CACNG8: variants seen among roughly 807,000 people sequenced by gnomAD.
The protein encoded by CACNG8 is voltage-dependent calcium channel gamma-8 subunit.
A neutral mutation model predicts 26.9 loss-of-function variants in CACNG8; 5 were observed. The ratio of observed to expected loss-of-function variants is 0.19; its 90% CI spans 0.10 to 0.39. The LOEUF (loss-of-function observed/expected upper bound fraction) is 0.39. CACNG8 is among the 10% of genes least tolerant of loss of function. The pLI, the probability that CACNG8 is intolerant of heterozygous loss-of-function variation, is 1.00. For synonymous variants in CACNG8, 321 were observed against 296.7 expected, an observed-to-expected ratio of 1.08 and a Z score of -0.84; for missense variants, 473 against 609.4, an observed-to-expected ratio of 0.78 and a Z score of 2.36.
In CACNG8 at chr19:53,982,545, CCGGCGGCGG is replaced by C. The variant is rs769981108; in HGVS notation, c.986_994del (p.Gly329_Gly331del). The C allele has an allele frequency of 9.0e-5, 109 of 1,216,174 alleles. No homozygotes were observed. The highest frequency in any genetic ancestry group is 2.2e-4 in the Admixed American group (5 of 22,350). The allele number at this position is 1,216,174 out of a possible 1,614,324, so 75.3% of individuals were successfully genotyped here. A position where few individuals can be genotyped will look rare whatever the true frequency, so the allele number is the denominator to read the frequency against. ...AGCGTGGCCGCGGGGCTGGCGGGGG[CCGGCGGCGG>C]CGGCGGCGGCGCCGTGGGGGCGTTC... On this transcript the variant is annotated inframe_deletion, in exon 4 of 4. Transcript: ENST00000270458. The surrounding 1 kb of genome is among the most constrained non-coding windows in gnomAD (Gnocchi z 8.4).
chr19:53,968,374 C>CA (rs924146439), intron 1 of CACNG8, among the ~76,000 whole-genome samples: 46 of 142,634 alleles, frequency 3.2e-4, no homozygotes, highest in African/African-American at 6.5e-4. Flanking sequence ...GACCCCATCT[C>CA]AAAAAAAACA....
chr19:53,967,187 G>A (rs1280612917), intron 1 of CACNG8, among the ~76,000 whole-genome samples: 2 of 152,132 alleles, frequency 1.3e-5, no homozygotes, highest in Non-Finnish European at 2.9e-5. Context: ...GTCTCCTGGG[G>A]GATAAAATCG....
At position 53,979,856 on chromosome 19, in the gene CACNG8, C is replaced by A. The variant is rs371636550; in HGVS notation, c.368-11C>A. ...GCTCTCCCTCCTTTTCCTTTCCTTCCTCCCCCGCAGGAGTTGTCCGGGCCT... is the reference window on the plus strand; with the variant it reads ...GCTCTCCCTCCTTTTCCTTTCCTTCATCCCCCGCAGGAGTTGTCCGGGCCT... On this transcript the variant is annotated splice_polypyrimidine_tract_variant and intron_variant, in intron 2 of 3. Transcript: ENST00000270458. 35 of 1,588,682 alleles carry A rather than the reference C, an allele frequency of 2.2e-5. No individual in the cohort carries two copies. The highest frequency in any genetic ancestry group is 5.2e-5 in the Admixed American group (3 of 57,326).
Position 53,982,684 on chromosome 19 carries a change from C to T in CACNG8, c.1113C>T (p.Ala371=). The T allele has an allele frequency of 8.9e-7, 1 of 1,129,146 alleles. No homozygotes were observed. The highest frequency in any genetic ancestry group is 1.1e-6 in the Non-Finnish European group (1 of 927,390). The allele number at this position is 1,129,146 out of a possible 1,614,324, so 69.9% of individuals were successfully genotyped here. The change falls in exon 4 of 4, where the codon GCC becomes GCT. Residue 371 remains alanine (A), a synonymous_variant. Coordinates refer to ENST00000270458, the MANE Select transcript of CACNG8 (RefSeq NM_031895.6). This position sits in a 1 kb window ranked among gnomAD's most constrained non-coding sequence, Gnocchi z 8.4. ...CCGGCTTCCTCACGCTGCACAACGCCTTCCCCAAGGAGGCGGGCGGCGGCG... is the reference window on the plus strand; with the variant it reads ...CCGGCTTCCTCACGCTGCACAACGCTTTCCCCAAGGAGGCGGGCGGCGGCG...
At position 53,982,576 on chromosome 19, in the gene CACNG8, G is replaced by A; in HGVS notation, c.1005G>A (p.Ala335=). 1.0e-6 allele frequency: 1 copy of A among 984,106 alleles called. No individual in the cohort carries two copies. The highest frequency in any genetic ancestry group is 1.2e-6 in the Non-Finnish European group (1 of 829,616). 61.0% of individuals were successfully genotyped at this position (984,106 alleles called of 1,614,324 possible). A position where few individuals can be genotyped will look rare whatever the true frequency, so the allele number is the denominator to read the frequency against. ...GCGGCGGCGGCGGCGCCGTGGGGGC[G>A]TTCGGCGGCGCGGCCGGGGGCGCCG... Residue 335 remains alanine (A), a synonymous_variant, in exon 4 of 4, where the codon GCG becomes GCA. Transcript: ENST00000270458. This position sits in a 1 kb window ranked among gnomAD's most constrained non-coding sequence, Gnocchi z 8.4.
chr19:53,982,901 C>T lies in CACNG8; in HGVS notation c.*52C>T. 1.7e-6 allele frequency: 2 copies of T among 1,181,788 alleles called. No individual in the cohort carries two copies. Among genetic ancestry groups the T allele is most frequent in the East Asian group, 4.0e-5 (1 of 24,742 alleles). The allele number at this position is 1,181,788 out of a possible 1,614,324, so 73.2% of individuals were successfully genotyped here. ...TGTCCGGGGCGCGTGCGCGGGCGCGCGTGCATCGAGGCTGCCGGGGTCGGG... is the reference window on the plus strand; with the variant it reads ...TGTCCGGGGCGCGTGCGCGGGCGCGTGTGCATCGAGGCTGCCGGGGTCGGG... On this transcript the variant is annotated 3_prime_UTR_variant, in exon 4 of 4. Transcript: ENST00000270458. This position sits in a 1 kb window ranked among gnomAD's most constrained non-coding sequence, Gnocchi z 8.4.
At chr19:53,969,859 C>T (rs529643480) in intron 1 of CACNG8, among the ~76,000 whole-genome samples, 27 of 152,178 alleles carry the variant, frequency 1.8e-4, no homozygotes, top group Middle Eastern at 3.4e-3. Flanking sequence ...CAGCTGGGCG[C>T]GGTGGCTCAC....
At chr19:53,980,978 G>A (rs2069363304) in intron 3 of CACNG8, among the ~76,000 whole-genome samples, 1 of 152,054 alleles carries the variant, frequency 6.6e-6, no homozygotes. Context: ...GGCCGGAGTA[G>A]CTGGACCTGA....
chr19:53,979,808 G>A (rs1312413326), intron 2 of CACNG8, 59 bp from the exon 3 acceptor site: 2 of 1,505,582 alleles, frequency 1.3e-6, no homozygotes, highest in African/African-American at 2.8e-5. Context: ...AGGGGGCGCA[G>A]GCGGCCGCGT....
intron 3 of CACNG8, among the ~76,000 whole-genome samples, chr19:53,980,447 G>C (rs1053254399): frequency 1.9e-4 from 29 of 152,170 alleles, no homozygotes; most frequent in Admixed American, 1.4e-3. Context: ...CCGATGAGGA[G>C]CCTGCTTTAA....
chr19:53,982,958 G>C lies in CACNG8; in HGVS notation c.*109G>C, dbSNP rs2069383563. 1.4e-6 allele frequency: 1 copy of C among 704,154 alleles called. No homozygotes were observed. Among genetic ancestry groups the C allele is most frequent in the Non-Finnish European group, 1.9e-6 (1 of 531,876 alleles). The allele number at this position is 704,154 out of a possible 1,614,324, so 43.6% of individuals were successfully genotyped here. On this transcript the variant is annotated 3_prime_UTR_variant, in exon 4 of 4. Coordinates refer to ENST00000270458, the MANE Select transcript of CACNG8 (RefSeq NM_031895.6). The surrounding 1 kb of genome is among the most constrained non-coding windows in gnomAD (Gnocchi z 8.4). ...CCCGCTTTCCCCCGTGAGCGCGCTG[G>C]AGACTGCTGGGCCCGCCCCACGCCC...
At chr19:53,980,068 G>A in intron 3 of CACNG8, 61 bp downstream of exon 3, 1 of 1,416,976 alleles carries the variant, frequency 7.1e-7, no homozygotes, top group African/African-American at 1.5e-5. Flanking sequence ...GTGTGTGTGT[G>A]TGTGTGTGTG....
At chr19:53,981,763 G>A (rs901184842) in intron 3 of CACNG8, among the ~76,000 whole-genome samples, 1 of 152,138 alleles carries the variant, frequency 6.6e-6, no homozygotes, top group Non-Finnish European at 1.5e-5. Context: ...CCTGGGGGAT[G>A]GAGTTTCGAC....
Position 53,982,181 on chromosome 19 carries a change from TG to T in CACNG8, c.612del (p.Trp204CysfsTer15). On this transcript the variant is annotated frameshift_variant, in exon 4 of 4. Coordinates refer to ENST00000270458, the MANE Select transcript of CACNG8 (RefSeq NM_031895.6). LOFTEE classifies it high-confidence loss of function. The surrounding 1 kb of genome is among the most constrained non-coding windows in gnomAD (Gnocchi z 8.4). Reference sequence around the variant, plus strand: ...GAAGAAAAACCACTACTCGTACGGCTGGTCCTTCTACTTCGGCGGGCTGTCG... The same window carrying T: ...GAAGAAAAACCACTACTCGTACGGCTGTCCTTCTACTTCGGCGGGCTGTCG... The T allele has an allele frequency of 6.2e-7, 1 of 1,613,468 alleles. No homozygotes were observed. Among genetic ancestry groups the T allele is most frequent in the South Asian group, 1.1e-5 (1 of 91,050 alleles).
chr19:53,971,467 A>T (rs918453559), intron 1 of CACNG8, among the ~76,000 whole-genome samples: 7 of 152,190 alleles, frequency 4.6e-5, no homozygotes, highest in African/African-American at 1.7e-4. Context: ...CCTGAGTCTG[A>T]AACCCAGTAA....
chr19:53,981,114 C>T (rs905303534), intron 3 of CACNG8, among the ~76,000 whole-genome samples: 2 of 151,968 alleles, frequency 1.3e-5, no homozygotes, highest in Non-Finnish European at 2.9e-5. Context: ...AATTTTTGAC[C>T]AGTAGGGGAG....
chr19:53,969,745 C>T (rs1207791377), intron 1 of CACNG8, among the ~76,000 whole-genome samples: 7 of 152,168 alleles, frequency 4.6e-5, no homozygotes, highest in Non-Finnish European at 1.0e-4. Context: ...TGGAGTGTGT[C>T]TGAGAGATGC....
chr19:53,971,985 C>A (rs1030537197), intron 1 of CACNG8, among the ~76,000 whole-genome samples: 1 of 152,098 alleles, frequency 6.6e-6, no homozygotes, highest in Non-Finnish European at 1.5e-5. Context: ...GAATTCTGTG[C>A]CTAACTTCCT....
chr19:53,982,808 T>A lies in CACNG8; in HGVS notation c.1237T>A (p.Ser413Thr). ...GACCCTGGCCAAGGAGGCCGCCGCC[T>A]CCAACACCAACACGCTCAACAGGAA... is the stretch of plus-strand genomic sequence containing the variant. The change falls in exon 4 of 4, where the codon TCC becomes ACC. Residue 413 changes from serine to threonine, a missense_variant. Ser to Thr is a moderately conservative substitution (Grantham distance 58, BLOSUM62 1). Around this residue, in one of 6 missense-constraint regions of CACNG8, gnomAD observed 212 missense variants for 214.4 expected, o/e 0.99. Transcript: ENST00000270458. The surrounding 1 kb of genome is among the most constrained non-coding windows in gnomAD (Gnocchi z 8.4). 1 of 1,371,242 alleles carries A rather than the reference T, an allele frequency of 7.3e-7. No individual in the cohort carries two copies. The highest frequency in any genetic ancestry group is 9.5e-7 in the Non-Finnish European group (1 of 1,055,910). The allele number at this position is 1,371,242 out of a possible 1,614,324, so 84.9% of individuals were successfully genotyped here.
Sources: allele counts gnomAD v4.1 joint callset (sites outside exome capture counted in the v4.1 genomes callset), GRCh38; gene constraint gnomAD v4.1.1; regional missense constraint gnomAD v4.1.1; non-coding constraint Gnocchi (gnomAD v3.1); transcripts MANE v1.5; gene names NCBI Gene and HGNC (gene_info 2026-07-23, HGNC 2026-07-21).